Variants in SLC30A8 observed in about 807,000 individuals in gnomAD.
SLC30A8 encodes proton-coupled zinc antiporter SLC30A8.
In SLC30A8, 27 loss-of-function variants were observed where a neutral mutation model predicts 36.9. The ratio of observed to expected loss-of-function variants is 0.73; its 90% CI spans 0.54 to 1.01. The LOEUF is 1.01. Ranked by LOEUF, SLC30A8 falls within the 50% of genes least tolerant of loss-of-function variation. The pLI, the probability that SLC30A8 is intolerant of heterozygous loss-of-function variation, is 0.00. For missense variants in SLC30A8, 439 were observed against 452.0 expected (o/e 0.97, Z 0.26); for synonymous variants, 164 against 172.4 (o/e 0.95, Z 0.38).
chr8:117,043,121 T>A (rs1817441031), intron 2 of SLC30A8, among the ~76,000 whole-genome samples: 1 of 152,236 alleles, frequency 6.6e-6, no homozygotes, highest in South Asian at 2.1e-4. Flanking sequence ...GCTTATATTT[T>A]TTTGGTTGGG....
intron 1 of SLC30A8, among the ~76,000 whole-genome samples, chr8:116,961,289 C>T (rs907257138): frequency 9.2e-5 from 14 of 152,064 alleles, no homozygotes; most frequent in Admixed American, 2.0e-4. Flanking sequence ...ATTAGCCGGG[C>T]GTGGTGGCAG....
At chr8:116,971,052 G>A (rs1163192090) in intron 1 of SLC30A8, among the ~76,000 whole-genome samples, 2 of 152,158 alleles carry the variant, frequency 1.3e-5, no homozygotes, top group African/African-American at 2.4e-5. Context: ...CTGGGATCAC[G>A]CCACTGTATT....
chr8:117,070,877 C>A (rs192599841), intron 2 of SLC30A8, among the ~76,000 whole-genome samples: 1 of 152,078 alleles, frequency 6.6e-6, no homozygotes, highest in Admixed American at 6.6e-5. Flanking sequence ...AGCATGATGC[C>A]TTCCTTTTTT....
chr8:117,129,250 T>G lies in SLC30A8; in HGVS notation c.-225-6030T>G, dbSNP rs1821037009. Among the ~76,000 whole-genome samples the G allele has an allele frequency of 2.0e-5, 3 of 152,078 alleles. No homozygotes were observed. The South Asian group carries it at 6.2e-4, about 31-fold the overall frequency. On this transcript the variant is annotated intron_variant, in intron 2 of 10. Coordinates refer to the SLC30A8 transcript ENST00000427715. ...ACAATGAATCCGTTGTGCTCAAACTTTAGGACTAGTCAGTGTACCTCACTT... is the reference window on the plus strand; with the variant it reads ...ACAATGAATCCGTTGTGCTCAAACTGTAGGACTAGTCAGTGTACCTCACTT...
chr8:117,065,544 T>C (rs1462267656), intron 2 of SLC30A8, among the ~76,000 whole-genome samples: 1 of 152,120 alleles, frequency 6.6e-6, no homozygotes, highest in African/African-American at 2.4e-5. Context: ...TGCAGTCAAA[T>C]TGCTCTGGCC....
In SLC30A8 at chr8:116,967,303, T is replaced by TA. The variant is rs939190069; in HGVS notation, c.-266+16193dup. On this transcript the variant is annotated intron_variant, in intron 1 of 10. Coordinates refer to the SLC30A8 transcript ENST00000427715. ...GAGAAGAGAGGAGATAATAAAAGAG[T>TA]AAAAAAAAATTGAGGAACAACCAAA... is the stretch of plus-strand genomic sequence containing the variant. 2.0e-4 allele frequency among the ~76,000 whole-genome samples: 31 copies of TA among 151,660 alleles called. No individual in the cohort carries two copies. In the Middle Eastern group the frequency reaches 0.01, roughly 50 times the overall value.
chr8:117,146,704 A>T (rs1326711803), intron 1 of SLC30A8: 2 of 624,766 alleles, frequency 3.2e-6, no homozygotes, highest in East Asian at 3.8e-5. Flanking sequence ...ATATCTCTTA[A>T]TAATTGGTGG....
intron 1 of SLC30A8, among the ~76,000 whole-genome samples, chr8:116,973,707 C>A (rs991596228): frequency 1.3e-5 from 2 of 152,048 alleles, no homozygotes; most frequent in African/African-American, 4.8e-5. Flanking sequence ...TCATATGGAA[C>A]CAAAAAAGAG....
chr8:116,992,283 G>A (rs1284754162), intron 1 of SLC30A8, among the ~76,000 whole-genome samples: 5 of 152,060 alleles, frequency 3.3e-5, no homozygotes, highest in Non-Finnish European at 7.4e-5. Context: ...CAAATGAGGA[G>A]TTTTGCAATG....
At chr8:116,979,037 G>C (rs1021033290) in intron 1 of SLC30A8, among the ~76,000 whole-genome samples, 7 of 151,148 alleles carry the variant, frequency 4.6e-5, no homozygotes, top group African/African-American at 1.5e-4. Context: ...AGGTGTTTGA[G>C]ACCAGCCTGG....
At chr8:117,056,241 A>T (rs1817866309) in intron 2 of SLC30A8, 1 of 152,270 alleles carries the variant, frequency 6.6e-6, no homozygotes, top group South Asian at 2.1e-4. Context: ...TTCTAGACTC[A>T]CAATTCTCCC....
intron 1 of SLC30A8, among the ~76,000 whole-genome samples, chr8:116,973,174 T>G (rs1288951819): frequency 6.6e-6 from 1 of 152,210 alleles, no homozygotes; most frequent in African/African-American, 2.4e-5. Flanking sequence ...GGTACCTTGA[T>G]CTTGGACTTC....
chr8:117,047,917 G>T (rs574889376), intron 2 of SLC30A8, among the ~76,000 whole-genome samples: 1 of 152,232 alleles, frequency 6.6e-6, no homozygotes, highest in East Asian at 1.9e-4. Context: ...ACACTCCCAC[G>T]AGTACCTTGA....
intron 1 of SLC30A8, among the ~76,000 whole-genome samples, chr8:116,982,140 G>C (rs908117917): frequency 1.3e-5 from 2 of 151,872 alleles, no homozygotes; most frequent in Non-Finnish European, 2.9e-5. Flanking sequence ...ATCTCATTGT[G>C]GTTTTGATTT....
At chr8:116,954,519 A>G (rs945738744) in intron 1 of SLC30A8, among the ~76,000 whole-genome samples, 1 of 152,322 alleles carries the variant, frequency 6.6e-6, no homozygotes, top group South Asian at 2.1e-4. Context: ...GGGCTTGTCT[A>G]GTGGTCAAGT....
At chr8:117,160,815 C>T (rs537555695) in intron 4 of SLC30A8, among the ~76,000 whole-genome samples, 8 of 152,280 alleles carry the variant, frequency 5.3e-5, no homozygotes, top group African/African-American at 1.7e-4. Context: ...GCGGTCATTC[C>T]ACTTTGTGGT....
chr8:117,053,149 G>A (rs1407257274), intron 2 of SLC30A8, among the ~76,000 whole-genome samples: 4 of 152,068 alleles, frequency 2.6e-5, no homozygotes, highest in Non-Finnish European at 4.4e-5. Context: ...TCCTGGCCTC[G>A]TGATCTGCCG....
At chr8:116,965,324 G>C (rs1459855121) in intron 1 of SLC30A8, among the ~76,000 whole-genome samples, 22 of 152,158 alleles carry the variant, frequency 1.4e-4, no homozygotes, top group Non-Finnish European at 3.1e-4. Context: ...CAAACTGAAG[G>C]ATAGTTGATT....
chr8:117,006,735 G>A (rs1448326394), intron 1 of SLC30A8, among the ~76,000 whole-genome samples: 1 of 150,834 alleles, frequency 6.6e-6, no homozygotes, highest in Non-Finnish European at 1.5e-5. Context: ...AACATCACAC[G>A]GCTAGTTAGT....
Sources: allele counts gnomAD v4.1 joint callset (sites outside exome capture counted in the v4.1 genomes callset), GRCh38; gene constraint gnomAD v4.1.1; transcripts MANE v1.5; gene names NCBI Gene and HGNC (gene_info 2026-07-23, HGNC 2026-07-21).